PDGFRL: variants seen among roughly 807,000 people sequenced by gnomAD.
PDGFRL encodes the protein platelet-derived growth factor receptor-like protein.
Under a neutral mutation model 37.2 loss-of-function variants are expected in PDGFRL, and 46 were observed. The observed-to-expected ratio is 1.24, with a 90% CI of 0.98 to 1.58. PDGFRL has a LOEUF of 1.58. Ranked by LOEUF, PDGFRL falls within the 40% of genes most tolerant of loss-of-function variation. The pLI, the probability that PDGFRL is intolerant of heterozygous loss-of-function variation, is 0.00. For synonymous variants in PDGFRL, 251 were observed against 184.3 expected (o/e 1.36, Z -2.93); for missense variants, 692 against 467.6 (o/e 1.48, Z -4.43).
chr8:17,628,336 A>C, intron 3 of PDGFRL, 151 bp from the exon 4 acceptor site: 1 of 631,108 alleles, frequency 1.6e-6, no homozygotes, highest in East Asian at 2.6e-5. Flanking sequence ...TCATTCTTCC[A>C]AAAAATGAAA....
intron 1 of PDGFRL, among the ~76,000 whole-genome samples, chr8:17,579,296 G>A (rs13272153): frequency 0.27 from 40,728 of 152,026 alleles, 5,681 homozygotes; most frequent in Middle Eastern, 0.39. Flanking sequence ...TTATGTAACC[G>A]TTTGGCTAAA....
chr8:17,602,674 A>G (rs1241335634), intron 2 of PDGFRL, among the ~76,000 whole-genome samples: 2 of 152,168 alleles, frequency 1.3e-5, no homozygotes, highest in African/African-American at 4.8e-5. Context: ...ATACTGGGCT[A>G]TTTGGAAAGG....
intron 2 of PDGFRL, among the ~76,000 whole-genome samples, chr8:17,592,309 A>G (rs191673310): frequency 2.0e-5 from 3 of 152,238 alleles, no homozygotes; most frequent in East Asian, 1.9e-4. Context: ...GAATCTGTCC[A>G]TTTGCATTCC....
At chr8:17,590,299 A>T (rs1417502881) in intron 2 of PDGFRL, among the ~76,000 whole-genome samples, 2 of 151,192 alleles carry the variant, frequency 1.3e-5, no homozygotes, top group Non-Finnish European at 2.9e-5. Context: ...GAAATTTTAC[A>T]GGAAACCATG....
chr8:17,603,688 A>G (rs1438798601), intron 2 of PDGFRL, among the ~76,000 whole-genome samples: 3 of 152,160 alleles, frequency 2.0e-5, no homozygotes, highest in Non-Finnish European at 2.9e-5. Context: ...GATGATGGAG[A>G]TAAGATGGTG....
At chr8:17,599,195 G>C (rs370132651) in intron 2 of PDGFRL, among the ~76,000 whole-genome samples, 2 of 151,708 alleles carry the variant, frequency 1.3e-5, no homozygotes, top group Non-Finnish European at 2.9e-5. Flanking sequence ...GGTTACATAC[G>C]TTCTTTAGTG....
intron 2 of PDGFRL, among the ~76,000 whole-genome samples, chr8:17,596,830 C>G (rs532374349): frequency 6.6e-6 from 1 of 152,298 alleles, no homozygotes; most frequent in South Asian, 2.1e-4. Context: ...CAAGGGGGCA[C>G]GATGTATTTC....
At chr8:17,626,189 C>T (rs192505628) in intron 3 of PDGFRL, among the ~76,000 whole-genome samples, 4 of 152,220 alleles carry the variant, frequency 2.6e-5, no homozygotes, top group Non-Finnish European at 4.4e-5. Flanking sequence ...ACTCCAGATT[C>T]TTCTCTTGAC....
chr8:17,617,225 A>G (rs1477295775), intron 2 of PDGFRL, among the ~76,000 whole-genome samples: 1 of 152,176 alleles, frequency 6.6e-6, no homozygotes, highest in Non-Finnish European at 1.5e-5. Context: ...TAGAACTCCT[A>G]GTTTAGAAAG....
In PDGFRL at chr8:17,591,174, G is replaced by T. The variant is rs139807195; in HGVS notation, c.353+1409G>T. ...TGGGATTACAGGCGTGAGCCACCGC[G>T]CCTGGCTGCTTCTGATTATTTTGAT... On this transcript the variant is annotated intron_variant, in intron 2 of 5. Coordinates refer to ENST00000251630, the MANE Select transcript of PDGFRL (RefSeq NM_001372073.1). Among the ~76,000 whole-genome samples the T allele has an allele frequency of 4.7e-3, 712 of 152,172 alleles. 3 individuals carry two copies. The highest frequency in any genetic ancestry group is 0.015 in the African/African-American group (639 of 41,528).
At chr8:17,628,840 C>A in intron 4 of PDGFRL, 60 bp downstream of exon 4, 1 of 1,136,942 alleles carries the variant, frequency 8.8e-7, no homozygotes, top group Non-Finnish European at 1.3e-6. Flanking sequence ...TCAGGTACTG[C>A]TGTTCCCTGC....
chr8:17,616,415 G>T (rs903376973), intron 2 of PDGFRL, among the ~76,000 whole-genome samples: 1 of 152,020 alleles, frequency 6.6e-6, no homozygotes, highest in Admixed American at 6.6e-5. Flanking sequence ...GGATGGTCTC[G>T]ATCTCTTGAC....
Position 17,610,564 on chromosome 8 carries a change from C to G in PDGFRL, c.354-10487C>G, listed in dbSNP as rs184244631. On this transcript the variant is annotated intron_variant, in intron 2 of 5. Transcript: ENST00000251630. ...TTCTCAACCTGTAGTGTGAGTAACC[C>G]ATATACATCTGAGTTATATGGTCAC... 8.5e-5 allele frequency among the ~76,000 whole-genome samples: 13 copies of G among 152,260 alleles called. 1 individual carries two copies. The South Asian group carries it at 2.3e-3, about 27-fold the overall frequency.
At chr8:17,597,791 G>C (rs1050194453) in intron 2 of PDGFRL, among the ~76,000 whole-genome samples, 2 of 152,064 alleles carry the variant, frequency 1.3e-5, no homozygotes, top group South Asian at 4.2e-4. Context: ...CAGTTTCTTA[G>C]CCTGTAAAAC....
At chr8:17,634,574 C>T (rs1279852229) in intron 5 of PDGFRL, among the ~76,000 whole-genome samples, 1 of 151,870 alleles carries the variant, frequency 6.6e-6, no homozygotes, top group African/African-American at 2.4e-5. Flanking sequence ...AACCTAAATG[C>T]CCTTCAATGG....
intron 2 of PDGFRL, among the ~76,000 whole-genome samples, chr8:17,596,953 G>C (rs1804066093): frequency 1.3e-5 from 2 of 152,322 alleles, no homozygotes; most frequent in South Asian, 4.1e-4. Flanking sequence ...GTTCTTTCCA[G>C]GGCTATGACA....
chr8:17,584,586 G>T (rs58186244), intron 1 of PDGFRL, among the ~76,000 whole-genome samples: 1,629 of 152,206 alleles, frequency 0.011, 31 homozygotes, highest in African/African-American at 0.037. Flanking sequence ...AGGCAGCACA[G>T]GGTCCTGCGA....
intron 1 of PDGFRL, among the ~76,000 whole-genome samples, chr8:17,585,198 G>A (rs1018480917): frequency 2.0e-5 from 3 of 152,104 alleles, no homozygotes; most frequent in African/African-American, 7.2e-5. Flanking sequence ...GGTTTTGGTG[G>A]GATTTGGCCA....
intron 5 of PDGFRL, among the ~76,000 whole-genome samples, chr8:17,635,933 C>G (rs920037810): frequency 1.3e-5 from 2 of 152,108 alleles, no homozygotes; most frequent in African/African-American, 4.8e-5. Context: ...TGAGAATTGT[C>G]TATTCATGTC....
Sources: allele counts gnomAD v4.1 joint callset (sites outside exome capture counted in the v4.1 genomes callset), GRCh38; gene constraint gnomAD v4.1.1; transcripts MANE v1.5; gene names NCBI Gene and HGNC (gene_info 2026-07-23, HGNC 2026-07-21).